SCARA3: variants seen among roughly 807,000 people sequenced by gnomAD.
SCARA3 encodes the protein scavenger receptor class A member 3.
Under a neutral mutation model 47.0 loss-of-function variants are expected in SCARA3, and 39 were observed. That is an observed-to-expected ratio of 0.83 (90% CI 0.64 to 1.08). The LOEUF is 1.08. SCARA3 is among the 50% of genes least tolerant of loss of function. The probability of loss-of-function intolerance (pLI) is 0.00; values close to 1 mark genes in which losing one functional copy is unlikely to be tolerated. For synonymous variants in SCARA3, 356 were observed against 334.1 expected (o/e 1.07, Z -0.71); for missense variants, 724 against 792.3 (o/e 0.91, Z 1.04).
the SCARA3 span, among the ~76,000 whole-genome samples, chr8:27,693,757 T>G: frequency 6.6e-6 from 1 of 152,204 alleles, no homozygotes; most frequent in East Asian, 1.9e-4. Context: ...AGGCTTGATC[T>G]GCATGATAAA....
downstream of SCARA3, among the ~76,000 whole-genome samples, chr8:27,679,124 T>C (rs1028896659): frequency 1.3e-5 from 2 of 152,194 alleles, no homozygotes; most frequent in African/African-American, 4.8e-5. Context: ...CTTCCTGTTT[T>C]TCTTCTTCTT....
chr8:27,680,048 A>C (rs1323590487), downstream of SCARA3: 1 of 152,222 alleles, frequency 6.6e-6, no homozygotes, highest in Non-Finnish European at 1.5e-5. Flanking sequence ...TATTGCAAAC[A>C]TAACATACCA....
intron 1 of SCARA3, among the ~76,000 whole-genome samples, chr8:27,640,984 A>G (rs1461165252): frequency 6.6e-6 from 1 of 152,224 alleles, no homozygotes; most frequent in Admixed American, 6.5e-5. Context: ...GGCGTGAGCC[A>G]CTGCACCCAG....
chr8:27,633,581 A>C (rs1339349926), upstream of SCARA3, among the ~76,000 whole-genome samples: 1 of 151,442 alleles, frequency 6.6e-6, no homozygotes, highest in Non-Finnish European at 1.5e-5. Context: ...ATGGACTAAG[A>C]TCAAGGAGCT....
the SCARA3 span, among the ~76,000 whole-genome samples, chr8:27,698,265 T>C: frequency 7.7e-6 from 1 of 130,240 alleles, no homozygotes; most frequent in African/African-American, 2.5e-5. Context: ...AATATTAAAA[T>C]GCATGGATTT....
the SCARA3 span, chr8:27,733,797 C>T: frequency 6.6e-6 from 1 of 152,182 alleles, no homozygotes; most frequent in Admixed American, 6.5e-5. Context: ...CATTTTGCCA[C>T]CCTGCTCAGT....
At position 27,671,668 on chromosome 8, in the gene SCARA3, A is replaced by ATGCACACATACACG; in HGVS notation, c.*331_*344dup. On this transcript the variant is annotated 3_prime_UTR_variant, in exon 6 of 6. Transcript: ENST00000301904. ...CACACACACATGCACGCACACACAC[A>ATGCACACATACACG]TGCACACATACACGTGCACACATAC... The ATGCACACATACACG allele has an allele frequency of 9.3e-7, 1 of 1,073,952 alleles. No individual in the cohort carries two copies. 66.5% of individuals were successfully genotyped at this position (1,073,952 alleles called of 1,614,324 possible).
chr8:27,662,562 C>G (rs1801934229), intron 5 of SCARA3, among the ~76,000 whole-genome samples: 1 of 152,166 alleles, frequency 6.6e-6, no homozygotes, highest in Non-Finnish European at 1.5e-5. Flanking sequence ...GCATTGTGTA[C>G]AGGGAAGGCA....
the SCARA3 span, among the ~76,000 whole-genome samples, chr8:27,728,113 G>T: frequency 1.3e-5 from 2 of 152,226 alleles, no homozygotes; most frequent in African/African-American, 2.4e-5. Flanking sequence ...AACTGGACTT[G>T]CCTCATTTAG....
chr8:27,678,275 TG>T (rs1376594830), downstream of SCARA3, among the ~76,000 whole-genome samples: 4 of 152,108 alleles, frequency 2.6e-5, no homozygotes, highest in Non-Finnish European at 5.9e-5. Context: ...GATCAACAAA[TG>T]AGTAAGTCTT....
intron 1 of SCARA3, among the ~76,000 whole-genome samples, chr8:27,643,709 G>A (rs910013694): frequency 6.6e-6 from 1 of 152,176 alleles, no homozygotes; most frequent in African/African-American, 2.4e-5. Flanking sequence ...CCAATTGGCT[G>A]TTTTGAAAAC....
At chr8:27,709,867 G>A in the SCARA3 span, among the ~76,000 whole-genome samples, 1 of 152,166 alleles carries the variant, frequency 6.6e-6, no homozygotes, top group Non-Finnish European at 1.5e-5. Flanking sequence ...GGTGGTTGAA[G>A]GAGTGACCCA....
the SCARA3 span, among the ~76,000 whole-genome samples, chr8:27,725,009 C>T: frequency 6.6e-6 from 1 of 152,022 alleles, no homozygotes; most frequent in Admixed American, 6.5e-5. Context: ...TAGGAAGAAT[C>T]GGTGGTGGCT....
the SCARA3 span, among the ~76,000 whole-genome samples, chr8:27,690,301 A>AG: frequency 0.92 from 139,865 of 152,168 alleles, 65,466 homozygotes; most frequent in Non-Finnish European, 1. Flanking sequence ...CATTTAAAGA[A>AG]GGGGGCAAAT....
At chr8:27,684,298 A>C in the SCARA3 span, among the ~76,000 whole-genome samples, 1 of 152,270 alleles carries the variant, frequency 6.6e-6, no homozygotes, top group African/African-American at 2.4e-5. Flanking sequence ...ATAAATATAG[A>C]AAACATTTTC....
At chr8:27,643,269 G>GAAC (rs1384902815) in intron 1 of SCARA3, among the ~76,000 whole-genome samples, 1 of 152,206 alleles carries the variant, frequency 6.6e-6, no homozygotes, top group Non-Finnish European at 1.5e-5. Flanking sequence ...TGGTTACCAA[G>GAAC]AACAGGGTGG....
At chr8:27,667,019 G>A (rs531946379) in intron 5 of SCARA3, among the ~76,000 whole-genome samples, 7 of 152,278 alleles carry the variant, frequency 4.6e-5, no homozygotes, top group African/African-American at 1.7e-4. Flanking sequence ...GGCCACTGTT[G>A]CCCATCTTCC....
intron 1 of SCARA3, among the ~76,000 whole-genome samples, chr8:27,649,472 C>T (rs555716647): frequency 6.6e-6 from 1 of 152,182 alleles, no homozygotes; most frequent in Non-Finnish European, 1.5e-5. Context: ...TCTTTCCCAG[C>T]GTGTGGAAAA....
In SCARA3 at chr8:27,670,975, C is replaced by G. The variant is rs1239301709; in HGVS notation, c.1445C>G (p.Pro482Arg). 2 of 1,606,544 alleles carry G rather than the reference C, an allele frequency of 1.2e-6. No individual in the cohort carries two copies. The highest frequency in any genetic ancestry group is 1.1e-5 in the South Asian group (1 of 90,236). Residue 482 changes from proline (P) to arginine (R), a missense_variant, in exon 6 of 6, where the codon CCG becomes CGG. Physicochemically the swap from Pro to Arg is moderately radical, Grantham distance 103. Transcript: ENST00000301904. Reference protein sequence around the residue: ...GVKGPVGGRGPKGDPGSLGPL... With the variant: ...GVKGPVGGRGRKGDPGSLGPL... Reference sequence around the variant, plus strand: ...AAAGGGCCTGTTGGCGGCAGAGGCCCGAAAGGAGACCCCGGCAGCTTGGGC... The same window carrying G: ...AAAGGGCCTGTTGGCGGCAGAGGCCGGAAAGGAGACCCCGGCAGCTTGGGC...
Sources: gnomAD v4.1 joint callset for allele counts (sites outside exome capture counted in the v4.1 genomes callset) on GRCh38, gnomAD v4.1.1 for gene constraint, MANE v1.5 for transcripts, NCBI Gene and HGNC (gene_info 2026-07-23, HGNC 2026-07-21) for gene names.